The following SETX variants were observed in gnomAD, a reference collection of about 807,000 sequenced individuals.
The protein encoded by SETX is helicase senataxin.
In SETX, 90 loss-of-function variants were observed where a neutral mutation model predicts 227.2. The observed-to-expected ratio is 0.40, with a 90% CI of 0.33 to 0.47. The LOEUF is 0.47. SETX is among the 20% of genes least tolerant of loss of function. SETX has a pLI of 0.91. For synonymous variants in SETX, 1,210 were observed against 1,113.2 expected (o/e 1.09, Z -1.73); for missense variants, 3,052 against 3,181.5 (o/e 0.96, Z 0.98).
intron 10 of SETX, among the ~76,000 whole-genome samples, chr9:132,314,292 ATGGTCAGGC>A (rs896996774): frequency 2.6e-5 from 4 of 152,020 alleles, no homozygotes; most frequent in Non-Finnish European, 5.9e-5. Context: ...GAGTTTCTCC[ATGGTCAGGC>A]TGGTCTTGAA....
rs576929158 is a variant in SETX, at chr9:132,346,561, T to C, written c.178-90A>G. The C allele has an allele frequency of 1.9e-4, 177 of 914,032 alleles. 1 individual carries two copies. The South Asian group carries it at 2.5e-3, about 13-fold the overall frequency. The allele number at this position is 914,032 out of a possible 1,614,324, so 56.6% of individuals were successfully genotyped here. On this transcript the variant is annotated intron_variant, in intron 3 of 25. Transcript: ENST00000224140. The stretch of plus-strand genomic sequence containing the variant: ...ACGACCTAGAAAGCCTTTTCCTAAG[T>C]ACAAAAATTCTGAAATGTAAAGTAT...
chr9:132,284,358 A>G (rs566702106), intron 18 of SETX, among the ~76,000 whole-genome samples: 5 of 152,376 alleles, frequency 3.3e-5, no homozygotes, highest in African/African-American at 9.6e-5. Flanking sequence ...AAGCTTTCAC[A>G]TAACTTTTAG....
chr9:132,324,411 CTCT>C (rs147644396), intron 10 of SETX, among the ~76,000 whole-genome samples: 2,372 of 152,270 alleles, frequency 0.016, 55 homozygotes, highest in African/African-American at 0.054. Context: ...CAACTCACTT[CTCT>C]TCTTTTGTAG....
At chr9:132,287,193 C>A (rs2131239204) in intron 17 of SETX, among the ~76,000 whole-genome samples, 1 of 152,226 alleles carries the variant, frequency 6.6e-6, no homozygotes, top group Non-Finnish European at 1.5e-5. Context: ...AGCCTATAAG[C>A]CAAATGCAAG....
chr9:132,324,604 G>A (rs752357933), intron 10 of SETX, among the ~76,000 whole-genome samples: 1 of 152,108 alleles, frequency 6.6e-6, no homozygotes, highest in Non-Finnish European at 1.5e-5. Flanking sequence ...AAAGTGCCCT[G>A]TCCCCTTTGT....
intron 2 of SETX, among the ~76,000 whole-genome samples, chr9:132,351,772 A>C (rs144483266): frequency 1.3e-5 from 2 of 152,216 alleles, no homozygotes; most frequent in Non-Finnish European, 2.9e-5. Flanking sequence ...AAGCTTTTAT[A>C]CAACTCAGTT....
At chr9:132,292,582 T>C (rs1037216538) in intron 15 of SETX, among the ~76,000 whole-genome samples, 2 of 151,712 alleles carry the variant, frequency 1.3e-5, no homozygotes, top group Non-Finnish European at 2.9e-5. Context: ...ACAAGCTGTC[T>C]TATACAAAAC....
In SETX at chr9:132,346,654, C is replaced by T. The variant is rs1564568751; in HGVS notation, c.178-183G>A. ...GCCACTTTTATGAAAAGTGAGTACA[C>T]AGAGTATGAGATATTGGCTAGGCAC... is the stretch of plus-strand genomic sequence containing the variant. On this transcript the variant is annotated intron_variant, in intron 3 of 25. Transcript: ENST00000224140. Among the ~76,000 whole-genome samples, 5 of 152,012 alleles carry T rather than the reference C, an allele frequency of 3.3e-5. No individual in the cohort carries two copies. The South Asian group carries it at 8.3e-4, about 25-fold the overall frequency.
chr9:132,336,194 G>C, intron 6 of SETX, 102 bp downstream of exon 6: 4 of 945,816 alleles, frequency 4.2e-6, no homozygotes, highest in Non-Finnish European at 6.7e-6. Context: ...GGTGAGTGGA[G>C]ATGGTGCCAC....
intron 1 of SETX, among the ~76,000 whole-genome samples, chr9:132,354,628 T>C (rs553858023): frequency 3.0e-4 from 45 of 150,680 alleles, no homozygotes; most frequent in African/African-American, 1.0e-3. Context: ...AACTACGCAG[T>C]ATCCACACCA....
At chr9:132,298,982 G>C (rs1844834912) in intron 12 of SETX, among the ~76,000 whole-genome samples, 1 of 152,078 alleles carries the variant, frequency 6.6e-6, no homozygotes, top group Non-Finnish European at 1.5e-5. Flanking sequence ...TAACTACAAT[G>C]AGAAAAGTAC....
At chr9:132,338,885 G>A (rs970700665) in intron 5 of SETX, among the ~76,000 whole-genome samples, 2 of 152,086 alleles carry the variant, frequency 1.3e-5, no homozygotes, top group East Asian at 1.9e-4. Flanking sequence ...AGCCTCCTGA[G>A]TAGCTAGGGC....
chr9:132,349,864 T>G (rs764996747), intron 2 of SETX, among the ~76,000 whole-genome samples: 1 of 152,190 alleles, frequency 6.6e-6, no homozygotes, highest in Non-Finnish European at 1.5e-5. Flanking sequence ...AGGAGTGATG[T>G]CACCCTCAAA....
chr9:132,351,436 A>G (rs1848598047), intron 2 of SETX, among the ~76,000 whole-genome samples: 1 of 152,256 alleles, frequency 6.6e-6, no homozygotes, highest in Admixed American at 6.5e-5. Flanking sequence ...TAAGAAAATT[A>G]CAGAATTTGC....
intron 13 of SETX, among the ~76,000 whole-genome samples, chr9:132,297,805 A>C (rs1351350634): frequency 6.6e-6 from 1 of 152,194 alleles, no homozygotes; most frequent in Non-Finnish European, 1.5e-5. Context: ...ACTAAACCTG[A>C]GACTTCTCAC....
At chr9:132,318,261 A>G (rs117415810) in intron 10 of SETX, among the ~76,000 whole-genome samples, 125 of 151,866 alleles carry the variant, frequency 8.2e-4, no homozygotes, top group Non-Finnish European at 1.5e-3. Flanking sequence ...AGCATGCTCT[A>G]TTTTTTCGAG....
intron 3 of SETX, among the ~76,000 whole-genome samples, chr9:132,347,374 G>A (rs931169964): frequency 1.3e-5 from 2 of 151,552 alleles, no homozygotes; most frequent in Non-Finnish European, 1.5e-5. Context: ...GTGCAATGGC[G>A]TGGTCTCAGC....
intron 10 of SETX, among the ~76,000 whole-genome samples, chr9:132,325,141 G>T (rs2131416753): frequency 1.3e-5 from 2 of 152,240 alleles, no homozygotes; most frequent in Middle Eastern, 3.4e-3. Context: ...CAGATCACAA[G>T]GTCAGGAGAT....
At position 132,330,376 on chromosome 9, in the gene SETX, A is replaced by C; in HGVS notation, c.1222T>G (p.Phe408Val). 6.2e-7 allele frequency: 1 copy of C among 1,614,178 alleles called. No homozygotes were observed. The highest frequency in any genetic ancestry group is 1.1e-5 in the South Asian group (1 of 91,082). ...TGGACAAAAGGGATGAACCATAGAA[A>C]TGTGCTGTTATGAACACGCATGTCT... ...GQDMRVHNST[F>V]LWFIPFVQSL... The change falls in exon 10 of 26, where the codon TTT (phenylalanine) becomes GTT (valine). Residue 408 changes from phenylalanine to valine, a missense_variant. Around this residue, in one of 10 missense-constraint regions of SETX, gnomAD observed 39 missense variants for 84.8 expected, o/e 0.46. Transcript: ENST00000224140.
Sources: gnomAD v4.1 joint callset for allele counts (sites outside exome capture counted in the v4.1 genomes callset) on GRCh38, gnomAD v4.1.1 for gene constraint, gnomAD v4.1.1 regional missense constraint, MANE v1.5 for transcripts, NCBI Gene and HGNC (gene_info 2026-07-23, HGNC 2026-07-21) for gene names.